The following MAK variants were observed in gnomAD, a reference collection of about 807,000 sequenced individuals.
The protein encoded by MAK is serine/threonine-protein kinase MAK.
In MAK, 65 loss-of-function variants were observed where a neutral mutation model predicts 82.6. The ratio of observed to expected loss-of-function variants is 0.79; its 90% CI spans 0.64 to 0.97. The LOEUF (loss-of-function observed/expected upper bound fraction) is 0.97, where lower values mean the gene tolerates loss of function less well. Among genes scored for constraint, MAK ranks in the 50% least tolerant of loss-of-function variants. The pLI, the probability that MAK is intolerant of heterozygous loss-of-function variation, is 0.00. For synonymous variants in MAK, 250 were observed against 274.2 expected (o/e 0.91, Z 0.87); for missense variants, 703 against 780.2 (o/e 0.90, Z 1.18).
intron 1 of MAK, among the ~76,000 whole-genome samples, chr6:10,833,630 TAATAA>T (rs1778969478): frequency 6.6e-6 from 1 of 151,138 alleles, no homozygotes; most frequent in Non-Finnish European, 1.5e-5. Flanking sequence ...ATAATAATAA[TAATAA>T]TAATAGGGAG....
chr6:10,796,699 G>A (rs1281288994), intron 8 of MAK, among the ~76,000 whole-genome samples: 1 of 151,696 alleles, frequency 6.6e-6, no homozygotes, highest in Non-Finnish European at 1.5e-5. Flanking sequence ...CCAGTTATAC[G>A]GGAGGGTGAG....
intron 1 of MAK, among the ~76,000 whole-genome samples, chr6:10,833,880 T>C (rs1325975173): frequency 1.3e-5 from 2 of 152,168 alleles, no homozygotes; most frequent in Non-Finnish European, 2.9e-5. Context: ...TTGTAAGTCA[T>C]TGTCACCTTA....
chr6:10,801,181 C>T (rs1775989928), intron 8 of MAK, among the ~76,000 whole-genome samples: 1 of 152,236 alleles, frequency 6.6e-6, no homozygotes, highest in Non-Finnish European at 1.5e-5. Context: ...CCCATTTGTT[C>T]TTCCAGATGA....
At chr6:10,822,175 C>T (rs991785201) in intron 2 of MAK, among the ~76,000 whole-genome samples, 4 of 149,068 alleles carry the variant, frequency 2.7e-5, no homozygotes, top group Non-Finnish European at 5.9e-5. Context: ...AAAAGCTGGC[C>T]GGGTGCGGTG....
At chr6:10,827,270 C>T (rs1173667219) in intron 2 of MAK, among the ~76,000 whole-genome samples, 1 of 152,130 alleles carries the variant, frequency 6.6e-6, no homozygotes, top group African/African-American at 2.4e-5. Context: ...GATTCGCCTA[C>T]CCTCCTCCCC....
In MAK at chr6:10,769,815, C is replaced by A. The variant is rs569402883; in HGVS notation, c.1792+296G>T. Reference sequence around the variant, plus strand: ...ATTTCATCATCTGTAAAGAAGAGATCTAGCTACATCATCAGGTTATCATGA... The same window carrying A: ...ATTTCATCATCTGTAAAGAAGAGATATAGCTACATCATCAGGTTATCATGA... On this transcript the variant is annotated intron_variant, in intron 14 of 14. Transcript: ENST00000354489. 8.2e-4 allele frequency among the ~76,000 whole-genome samples: 125 copies of A among 152,302 alleles called. 1 individual carries two copies. Among genetic ancestry groups the A allele is most frequent in the African/African-American group, 2.9e-3 (119 of 41,576 alleles).
intron 14 of MAK, among the ~76,000 whole-genome samples, chr6:10,766,367 T>C (rs1052372601): frequency 1.3e-5 from 2 of 152,202 alleles, no homozygotes; most frequent in Non-Finnish European, 2.9e-5. Flanking sequence ...GTGGACACTC[T>C]GGGTAAGACA....
At chr6:10,837,020 A>G (rs1222796779) in intron 1 of MAK, among the ~76,000 whole-genome samples, 1 of 152,242 alleles carries the variant, frequency 6.6e-6, no homozygotes, top group African/African-American at 2.4e-5. Context: ...TTTGCCAGCT[A>G]ATAAGAGATT....
intron 2 of MAK, among the ~76,000 whole-genome samples, chr6:10,822,271 T>C (rs1257090722): frequency 2.7e-5 from 4 of 149,846 alleles, no homozygotes; most frequent in Non-Finnish European, 4.4e-5. Flanking sequence ...CTAACCAACA[T>C]GGAGAAACCC....
At chr6:10,810,474 G>GT (rs1252408111) in intron 5 of MAK, among the ~76,000 whole-genome samples, 1 of 151,376 alleles carries the variant, frequency 6.6e-6, no homozygotes. Flanking sequence ...GGAATAGCTG[G>GT]GATTACAGGC....
chr6:10,802,878 A>G (rs375983853), intron 7 of MAK, among the ~76,000 whole-genome samples: 4 of 152,360 alleles, frequency 2.6e-5, no homozygotes, highest in African/African-American at 9.6e-5. Flanking sequence ...ATGTCATTAT[A>G]TACACACTTA....
At position 10,817,127 on chromosome 6, in the gene MAK, A is replaced by AGTGTGTGTGT. The variant is rs1190649344; in HGVS notation, c.278+722_278+723insACACACACAC. Among the ~76,000 whole-genome samples, 4 of 77,944 alleles carry AGTGTGTGTGT rather than the reference A, an allele frequency of 5.1e-5. No homozygotes were observed. The South Asian group carries it at 1.5e-3, about 29-fold the overall frequency. The allele number at this position is 77,944 out of a possible 152,430, so 51.1% of individuals were successfully genotyped here. On this transcript the variant is annotated intron_variant, in intron 4 of 14. Transcript: ENST00000354489. ...AAGTAACATCCTCAGACCTTGAGCG[A>AGTGTGTGTGT]GAGTGTGTGTGTGTGTGTGTGTGTG...
intron 10 of MAK, among the ~76,000 whole-genome samples, chr6:10,787,647 G>A (rs1374170489): frequency 2.0e-5 from 3 of 151,794 alleles, no homozygotes; most frequent in Non-Finnish European, 2.9e-5. Flanking sequence ...TCACGAGGTC[G>A]GGAGATCGAG....
chr6:10,830,336 T>G (rs1337598712), intron 2 of MAK, among the ~76,000 whole-genome samples: 1 of 151,164 alleles, frequency 6.6e-6, no homozygotes, highest in Non-Finnish European at 1.5e-5. Context: ...TGGCTAAGTT[T>G]TGTATTTTTA....
chr6:10,797,833 T>G (rs1355982123), intron 8 of MAK: 1 of 1,283,212 alleles, frequency 7.8e-7, no homozygotes, highest in African/African-American at 1.5e-5. Flanking sequence ...AACCAACCTC[T>G]CTCCCTAATT....
intron 6 of MAK, among the ~76,000 whole-genome samples, chr6:10,807,945 G>A (rs570249260): frequency 2.6e-5 from 4 of 152,100 alleles, no homozygotes; most frequent in South Asian, 4.2e-4. Context: ...ATGGGTGCCT[G>A]TAATCCCAGC....
At chr6:10,771,033 A>G (rs1772967595) in intron 13 of MAK, among the ~76,000 whole-genome samples, 4 of 152,104 alleles carry the variant, frequency 2.6e-5, no homozygotes. Context: ...ATGAATAGCA[A>G]CATAGGAGGA....
intron 12 of MAK, 29 bp from the exon 13 acceptor site, chr6:10,773,137 A>G: frequency 8.2e-7 from 1 of 1,219,096 alleles, no homozygotes; most frequent in Non-Finnish European, 1.2e-6. Flanking sequence ...GAAAGAAAGA[A>G]TAATAGTAAG....
chr6:10,834,235 C>G (rs1779005858), intron 1 of MAK, among the ~76,000 whole-genome samples: 1 of 152,110 alleles, frequency 6.6e-6, no homozygotes, highest in Non-Finnish European at 1.5e-5. Context: ...TTTACTGATT[C>G]TTTCTGATTA....
Sources: allele counts gnomAD v4.1 joint callset (sites outside exome capture counted in the v4.1 genomes callset), GRCh38; gene constraint gnomAD v4.1.1; transcripts MANE v1.5; gene names NCBI Gene and HGNC (gene_info 2026-07-23, HGNC 2026-07-21).